The following FRMD4A variants were observed in gnomAD, a reference collection of about 807,000 sequenced individuals.
FRMD4A encodes FERM domain-containing protein 4A.
A neutral mutation model predicts 129.1 loss-of-function variants in FRMD4A; 29 were observed. That is an observed-to-expected ratio of 0.22 (90% CI 0.17 to 0.31). The LOEUF (loss-of-function observed/expected upper bound fraction) is 0.31, where lower values mean the gene tolerates loss of function less well. Among genes scored for constraint, FRMD4A ranks in the 10% least tolerant of loss-of-function variants. The pLI is 1.00. For synonymous variants in FRMD4A, 634 were observed against 571.6 expected, an observed-to-expected ratio of 1.11 and a Z score of -1.56; for missense variants, 1,272 against 1,375.8, an observed-to-expected ratio of 0.92 and a Z score of 1.19.
chr10:14,149,869 C>G (rs770789854), intron 2 of FRMD4A, among the ~76,000 whole-genome samples: 3 of 152,102 alleles, frequency 2.0e-5, no homozygotes, highest in Non-Finnish European at 4.4e-5. Flanking sequence ...TCCATTCTCA[C>G]GTTGCTATAA....
At chr10:13,856,447 C>A (rs1409463771) in intron 3 of FRMD4A, among the ~76,000 whole-genome samples, 1 of 152,062 alleles carries the variant, frequency 6.6e-6, no homozygotes, top group Non-Finnish European at 1.5e-5. Context: ...AGCCCTCAAA[C>A]TGTTGGGGGC....
chr10:14,057,415 A>T (rs1374129762), intron 2 of FRMD4A, among the ~76,000 whole-genome samples: 1 of 152,234 alleles, frequency 6.6e-6, no homozygotes, highest in African/African-American at 2.4e-5. Flanking sequence ...CAAACACAAC[A>T]AAATAATACC....
chr10:14,284,933 C>G (rs75626578), intron 2 of FRMD4A, among the ~76,000 whole-genome samples: 4,276 of 152,240 alleles, frequency 0.028, 100 homozygotes, highest in Non-Finnish European at 0.042. Context: ...TTTCCTCTGT[C>G]CTACTACAAA....
At chr10:14,242,695 C>T (rs1118359) in intron 2 of FRMD4A, among the ~76,000 whole-genome samples, 20,413 of 152,156 alleles carry the variant, frequency 0.13, 1,511 homozygotes, top group South Asian at 0.2. Context: ...CCCTGTCCTT[C>T]GTACAAATAA....
chr10:14,071,836 A>T (rs751918299), intron 2 of FRMD4A, among the ~76,000 whole-genome samples: 1 of 152,108 alleles, frequency 6.6e-6, no homozygotes, highest in Non-Finnish European at 1.5e-5. Flanking sequence ...ACACTGGGTG[A>T]GGGTGGACTC....
At chr10:13,669,543 T>A (rs2083345411) in intron 17 of FRMD4A, among the ~76,000 whole-genome samples, 1 of 152,176 alleles carries the variant, frequency 6.6e-6, no homozygotes, top group South Asian at 2.1e-4. Context: ...TTTCTCCCAA[T>A]CACTTTCTTA....
At position 13,679,474 on chromosome 10, in the gene FRMD4A, T is replaced by TATATACACACACACACACAC. The variant is rs1308155926; in HGVS notation, c.1118-4431_1118-4430insGTGTGTGTGTGTGTGTATAT. Among the ~76,000 whole-genome samples the TATATACACACACACACACAC allele has an allele frequency of 3.3e-3, 104 of 31,484 alleles. 1 individual carries two copies. Among genetic ancestry groups the TATATACACACACACACACAC allele is most frequent in the African/African-American group, 3.8e-3 (28 of 7,456 alleles). The allele number at this position is 31,484 out of a possible 152,430, so 20.7% of individuals were successfully genotyped here. On this transcript the variant is annotated intron_variant, in intron 15 of 24. Transcript: ENST00000357447. ...AAAAAAAAAAAAATATATATATATATACACACACACACACACACACACACA... is the reference window on the plus strand; with the variant it reads ...AAAAAAAAAAAAATATATATATATATATATACACACACACACACACACACACACACACACACACACACACA...
chr10:13,857,855 G>A (rs2094235326), intron 3 of FRMD4A, among the ~76,000 whole-genome samples: 1 of 152,232 alleles, frequency 6.6e-6, no homozygotes, highest in Non-Finnish European at 1.5e-5. Context: ...TTTAAAGTCA[G>A]AGTTGGAGAC....
intron 12 of FRMD4A, among the ~76,000 whole-genome samples, chr10:13,718,290 A>G (rs2089053021): frequency 6.6e-6 from 1 of 152,220 alleles, no homozygotes; most frequent in African/African-American, 2.4e-5. Context: ...TTTTCAAGTC[A>G]GGCTGCTGCT....
At chr10:13,838,533 C>A (rs920635950) in intron 3 of FRMD4A, among the ~76,000 whole-genome samples, 7 of 151,914 alleles carry the variant, frequency 4.6e-5, no homozygotes, top group African/African-American at 1.7e-4. Flanking sequence ...CGCTCTGTTG[C>A]CCAGGCTGGA....
At chr10:14,055,237 A>G (rs1472130330) in intron 2 of FRMD4A, among the ~76,000 whole-genome samples, 6 of 152,210 alleles carry the variant, frequency 3.9e-5, no homozygotes, top group Admixed American at 2.6e-4. Flanking sequence ...ATCTTCTTCC[A>G]AAGGAGATTC....
intron 9 of FRMD4A, among the ~76,000 whole-genome samples, chr10:13,743,147 A>T (rs539578977): frequency 3.1e-4 from 47 of 152,222 alleles, no homozygotes; most frequent in African/African-American, 1.1e-3. Context: ...GATATCCTCT[A>T]TTCAGAAAGG....
chr10:14,316,111 G>C (rs1209523684), intron 2 of FRMD4A, among the ~76,000 whole-genome samples: 1 of 152,196 alleles, frequency 6.6e-6, no homozygotes, highest in East Asian at 1.9e-4. Flanking sequence ...TTTAGAAGTA[G>C]ATATTGATAT....
At chr10:14,013,345 G>A (rs117091044) in intron 2 of FRMD4A, among the ~76,000 whole-genome samples, 3,764 of 152,096 alleles carry the variant, frequency 0.025, 65 homozygotes, top group Non-Finnish European at 0.039. Context: ...TCTCCCACAC[G>A]CCACTCAAGG....
intron 2 of FRMD4A, among the ~76,000 whole-genome samples, chr10:13,929,011 G>A (rs1460899870): frequency 6.6e-6 from 1 of 152,154 alleles, no homozygotes; most frequent in Non-Finnish European, 1.5e-5. Flanking sequence ...GAAAGTAACC[G>A]GACACGCTTG....
Position 13,761,856 on chromosome 10 carries a change from A to G in FRMD4A, c.442-187T>C, listed in dbSNP as rs139834922. ...CACACCTTTGCCATTTGAATATGAA[A>G]TATGAAACTAAACTCTAGAAACTTA... is the stretch of plus-strand genomic sequence containing the variant. On this transcript the variant is annotated intron_variant, in intron 7 of 24. Coordinates refer to ENST00000357447, the MANE Select transcript of FRMD4A (RefSeq NM_018027.5). Among the ~76,000 whole-genome samples, 429 of 152,340 alleles carry G rather than the reference A, an allele frequency of 2.8e-3. 1 individual carries two copies. Among genetic ancestry groups the G allele is most frequent in the African/African-American group, 0.01 (419 of 41,572 alleles).
At chr10:13,666,050 G>T in intron 18 of FRMD4A, 47 bp downstream of exon 18, 1 of 1,184,988 alleles carries the variant, frequency 8.4e-7, no homozygotes, top group Non-Finnish European at 1.3e-6. Context: ...CTGGTTGCCG[G>T]GGCCCGGGCG....
intron 2 of FRMD4A, among the ~76,000 whole-genome samples, chr10:13,959,302 T>C (rs1359302955): frequency 2.0e-5 from 3 of 151,964 alleles, no homozygotes; most frequent in Admixed American, 6.6e-5. Context: ...TGAAACCCTA[T>C]CTCTACTAAA....
At position 13,682,884 on chromosome 10, in the gene FRMD4A, C is replaced by T. The variant is rs971643432; in HGVS notation, c.1118-7840G>A. ...TCTAACTCTGCTATTCTGTCTTCTG[C>T]CTCTTGCATAAAAACTCAACACGGG... On this transcript the variant is annotated intron_variant, in intron 15 of 24. Coordinates refer to ENST00000357447, the MANE Select transcript of FRMD4A (RefSeq NM_018027.5). Among the ~76,000 whole-genome samples, 10 of 152,250 alleles carry T rather than the reference C, an allele frequency of 6.6e-5. No homozygotes were observed. In the South Asian group the frequency reaches 1.5e-3, roughly 22 times the overall value.
Sources: allele counts gnomAD v4.1 joint callset (sites outside exome capture counted in the v4.1 genomes callset), GRCh38; gene constraint gnomAD v4.1.1; transcripts MANE v1.5; gene names NCBI Gene and HGNC (gene_info 2026-07-23, HGNC 2026-07-21).